The following SCHIP1 variants were observed in gnomAD, a reference collection of about 807,000 sequenced individuals.
The protein encoded by SCHIP1 is schwannomin-interacting protein 1.
SCHIP1 carries 8 observed loss-of-function variants against 29.7 expected under a neutral mutation model. The ratio of observed to expected loss-of-function variants is 0.27; its 90% confidence interval spans 0.16 to 0.49. SCHIP1 has a LOEUF of 0.49. SCHIP1 is among the 20% of genes least tolerant of loss of function. The probability of loss-of-function intolerance (pLI) is 0.99; values close to 1 mark genes in which losing one functional copy is unlikely to be tolerated. For synonymous variants in SCHIP1, 76 were observed against 94.9 expected (o/e 0.80, Z 1.16); for missense variants, 193 against 294.6 (o/e 0.66, Z 2.52).
chr3:159,484,617 C>G, the SCHIP1 span, among the ~76,000 whole-genome samples: 1 of 152,088 alleles, frequency 6.6e-6, no homozygotes, highest in Non-Finnish European at 1.5e-5. Context: ...GGGCATTTAT[C>G]TTCTTTGAAA....
intron 5 of SCHIP1, among the ~76,000 whole-genome samples, chr3:159,891,566 C>T (rs1378840470): frequency 2.0e-5 from 3 of 152,210 alleles, no homozygotes; most frequent in Non-Finnish European, 2.9e-5. Flanking sequence ...ACAAATCTGA[C>T]TTTCCAATAT....
the SCHIP1 span, among the ~76,000 whole-genome samples, chr3:159,584,822 T>C: frequency 5.6e-3 from 846 of 152,090 alleles, 8 homozygotes; most frequent in Non-Finnish European, 6.4e-3. Flanking sequence ...AAACGATGGG[T>C]GGCTTTCCTA....
the SCHIP1 span, among the ~76,000 whole-genome samples, chr3:159,621,445 A>G: frequency 6.6e-6 from 1 of 152,242 alleles, no homozygotes; most frequent in Admixed American, 6.5e-5. Context: ...CAATTCTGAT[A>G]TAACTCAAAT....
chr3:159,744,259 A>T, the SCHIP1 span, among the ~76,000 whole-genome samples: 2 of 152,218 alleles, frequency 1.3e-5, no homozygotes, highest in African/African-American at 2.4e-5. Flanking sequence ...TAAAAAGATA[A>T]ATTTTAACTC....
At chr3:159,761,018 C>T in the SCHIP1 span, among the ~76,000 whole-genome samples, 1 of 152,188 alleles carries the variant, frequency 6.6e-6, no homozygotes, top group Admixed American at 6.5e-5. Flanking sequence ...CAAGCCTTCC[C>T]TGAGGAAGTA....
intron 1 of SCHIP1, among the ~76,000 whole-genome samples, chr3:159,847,418 T>C (rs896306209): frequency 7.9e-5 from 12 of 152,288 alleles, no homozygotes; most frequent in African/African-American, 2.6e-4. Flanking sequence ...CCCTGTGCAC[T>C]ATATAGAAGC....
intron 1 of SCHIP1, among the ~76,000 whole-genome samples, chr3:159,863,973 G>T (rs1714337779): frequency 6.6e-6 from 1 of 152,154 alleles, no homozygotes; most frequent in Non-Finnish European, 1.5e-5. Context: ...GCTAATGTCA[G>T]GCCAGCATGT....
chr3:159,868,939 A>G (rs1244525172), intron 2 of SCHIP1, among the ~76,000 whole-genome samples: 1 of 152,104 alleles, frequency 6.6e-6, no homozygotes, highest in Non-Finnish European at 1.5e-5. Flanking sequence ...CTGTGGATCC[A>G]TAACGTTACT....
chr3:159,668,601 A>G, the SCHIP1 span, among the ~76,000 whole-genome samples: 109 of 152,248 alleles, frequency 7.2e-4, no homozygotes, highest in African/African-American at 2.4e-3. Context: ...AGTCAAGATC[A>G]CACGCTCTGC....
At chr3:159,626,117 GATAGATAGATAGATAGATAGATAT>G in the SCHIP1 span, among the ~76,000 whole-genome samples, 1 of 115,646 alleles carries the variant, frequency 8.6e-6, no homozygotes, top group African/African-American at 6.5e-5. Context: ...TAGATAGATA[GATAGATAGATAGATAGATAGATAT>G]ATCTAGATAT....
At chr3:159,518,675 T>G in the SCHIP1 span, among the ~76,000 whole-genome samples, 3 of 152,118 alleles carry the variant, frequency 2.0e-5, no homozygotes, top group African/African-American at 7.2e-5. Flanking sequence ...CCTAGAGAGA[T>G]ATAATCTCTA....
the SCHIP1 span, among the ~76,000 whole-genome samples, chr3:159,478,440 G>A: frequency 6.6e-6 from 1 of 152,070 alleles, no homozygotes; most frequent in Non-Finnish European, 1.5e-5. Context: ...TTTGGTCTAT[G>A]TATCTGTTTT....
chr3:159,694,596 GA>G, the SCHIP1 span, among the ~76,000 whole-genome samples: 1 of 137,006 alleles, frequency 7.3e-6, no homozygotes, highest in Non-Finnish European at 1.6e-5. Context: ...AAGAAAGAAA[GA>G]AAGAAAGAAA....
At chr3:159,382,041 T>G in the SCHIP1 span, among the ~76,000 whole-genome samples, 11 of 152,142 alleles carry the variant, frequency 7.2e-5, no homozygotes, top group Non-Finnish European at 1.3e-4. Flanking sequence ...ATATCACTTC[T>G]ACTCATTCTT....
chr3:159,780,450 A>G, the SCHIP1 span, among the ~76,000 whole-genome samples: 1 of 152,246 alleles, frequency 6.6e-6, no homozygotes, highest in African/African-American at 2.4e-5. Flanking sequence ...TCAAACCATG[A>G]CAGTTGAAGA....
chr3:159,523,541 G>A, the SCHIP1 span, among the ~76,000 whole-genome samples: 1 of 152,192 alleles, frequency 6.6e-6, no homozygotes, highest in Non-Finnish European at 1.5e-5. Context: ...ATGTCTGATA[G>A]TGTATGTCTG....
the SCHIP1 span, among the ~76,000 whole-genome samples, chr3:159,725,814 T>C: frequency 2.0e-5 from 3 of 152,190 alleles, no homozygotes; most frequent in Non-Finnish European, 4.4e-5. Context: ...ATATTTATTA[T>C]AGAAAACTAA....
the SCHIP1 span, among the ~76,000 whole-genome samples, chr3:159,466,498 G>T: frequency 5.9e-5 from 9 of 152,044 alleles, no homozygotes; most frequent in East Asian, 1.9e-4. Context: ...GCCCTGAAAA[G>T]GTACCTATCA....
the SCHIP1 span, among the ~76,000 whole-genome samples, chr3:159,614,986 G>A: frequency 0.036 from 5,530 of 152,254 alleles, 317 homozygotes; most frequent in African/African-American, 0.12. Flanking sequence ...CACAGGTGCC[G>A]TGATAGTAGG....
Sources: allele counts gnomAD v4.1 joint callset (sites outside exome capture counted in the v4.1 genomes callset), GRCh38; gene constraint gnomAD v4.1.1; transcripts MANE v1.5; gene names NCBI Gene and HGNC (gene_info 2026-07-23, HGNC 2026-07-21).